The following RAB11FIP1 variants were observed in gnomAD, a reference collection of about 807,000 sequenced individuals.
The protein encoded by RAB11FIP1 is rab11 family-interacting protein 1.
In RAB11FIP1, 49 loss-of-function variants were observed where a neutral mutation model predicts 83.1. The ratio of observed to expected loss-of-function variants is 0.59; its 90% confidence interval spans 0.47 to 0.75. The LOEUF (loss-of-function observed/expected upper bound fraction) is 0.75. Ranked by LOEUF, RAB11FIP1 falls within the 30% of genes least tolerant of loss-of-function variation. The pLI, the probability that RAB11FIP1 is intolerant of heterozygous loss-of-function variation, is 0.00. For synonymous variants in RAB11FIP1, 670 were observed against 656.0 expected, an observed-to-expected ratio of 1.02 and a Z score of -0.33; for missense variants, 1,536 against 1,598.7, an observed-to-expected ratio of 0.96 and a Z score of 0.67.
rs144380138 is a variant in RAB11FIP1 at position 37,861,808 on chromosome 8, C to T, written c.*1087G>A. On this transcript the variant is annotated 3_prime_UTR_variant, in exon 6 of 6. Coordinates refer to ENST00000330843, the MANE Select transcript of RAB11FIP1 (RefSeq NM_001002814.3). ...TTCGCCATGTTGGTCAGGCTGGTCTCGAACTCCTGACCTCAAGTGATCCAC... is the reference window on the plus strand; with the variant it reads ...TTCGCCATGTTGGTCAGGCTGGTCTTGAACTCCTGACCTCAAGTGATCCAC... 1,240 of 326,758 alleles carry T rather than the reference C, an allele frequency of 3.8e-3. 19 individuals are homozygous for T. Among genetic ancestry groups the T allele is most frequent in the African/African-American group, 0.026 (1,155 of 44,838 alleles). The allele number at this position is 326,758 out of a possible 1,614,324, so 20.2% of individuals were successfully genotyped here.
intron 2 of RAB11FIP1, 77 bp from the exon 3 acceptor site, chr8:37,875,399 C>G (rs575207558): frequency 9.2e-7 from 1 of 1,085,262 alleles, no homozygotes; most frequent in African/African-American, 1.6e-5. Flanking sequence ...CTGTCAACGT[C>G]TGGATACATT....
intron 5 of RAB11FIP1, among the ~76,000 whole-genome samples, chr8:37,866,673 A>G (rs1283438124): frequency 1.5e-5 from 1 of 66,152 alleles, no homozygotes; most frequent in Non-Finnish European, 2.8e-5. Flanking sequence ...ACAACAACCA[A>G]GAAAAGAAAA....
At chr8:37,870,721 T>C in intron 4 of RAB11FIP1, 193 bp from the exon 5 acceptor site, 1 of 505,302 alleles carries the variant, frequency 2.0e-6, no homozygotes, top group South Asian at 3.3e-5. Flanking sequence ...GGCTGCCACA[T>C]GCAAGCCAGG....
chr8:37,870,622 A>C (rs954910504), intron 4 of RAB11FIP1, 94 bp from the exon 5 acceptor site: 12 of 658,824 alleles, frequency 1.8e-5, no homozygotes, highest in Non-Finnish European at 3.0e-5. Flanking sequence ...AAGCCAGACA[A>C]GGGGCAGGTG....
intron 1 of RAB11FIP1, among the ~76,000 whole-genome samples, chr8:37,889,605 C>T (rs1319715185): frequency 6.6e-6 from 1 of 152,176 alleles, no homozygotes; most frequent in Non-Finnish European, 1.5e-5. Context: ...TGGTTCACCA[C>T]CCCTTAACCA....
intron 5 of RAB11FIP1, 129 bp from the exon 6 acceptor site, chr8:37,863,242 CTT>C (rs1806279503): frequency 1.7e-6 from 1 of 591,292 alleles, no homozygotes; most frequent in Non-Finnish European, 2.9e-6. Context: ...CATTTTCTTT[CTT>C]TCTTTCTTTC....
chr8:37,887,357 C>A (rs542911806), intron 1 of RAB11FIP1, among the ~76,000 whole-genome samples: 7 of 151,962 alleles, frequency 4.6e-5, no homozygotes, highest in Non-Finnish European at 1.0e-4. Flanking sequence ...ATGGTGAAAC[C>A]CTGCCTCTAC....
Position 37,863,084 on chromosome 8 carries a change from T to G in RAB11FIP1, c.3663A>C (p.Ala1221=). 1 of 1,612,516 alleles carries G rather than the reference T, an allele frequency of 6.2e-7. No individual in the cohort carries two copies. The highest frequency in any genetic ancestry group is 8.5e-7 in the Non-Finnish European group (1 of 1,179,968). Residue 1221 remains alanine, a synonymous_variant, in exon 6 of 6, where the codon GCA becomes GCC. Coordinates refer to ENST00000330843, the MANE Select transcript of RAB11FIP1 (RefSeq NM_001002814.3). ...GCTCATCGTGGGTCAGCTGCGCATA[T>G]GCAAATGCAGGGTCCGAGGGGCTGT... The part of the protein sequence containing the change: ...KKYSPSDPAF[A]YAQLTHDELI...
chr8:37,893,206 C>G (rs1242666878), intron 1 of RAB11FIP1, among the ~76,000 whole-genome samples: 1 of 151,764 alleles, frequency 6.6e-6, no homozygotes, highest in Non-Finnish European at 1.5e-5. Context: ...TCCCAAGTAG[C>G]CAGGATTACA....
rs1452679922 is a variant in RAB11FIP1 at position 37,871,347 on chromosome 8, C to T, written c.3455G>A (p.Trp1152Ter). Reference sequence around the variant, plus strand: ...TGGATGTGTCTCCGAGGGTGAGACCCAGGCCTGGAGGAGTGGCTTCCTCTT... The same window carrying T: ...TGGATGTGTCTCCGAGGGTGAGACCTAGGCCTGGAGGAGTGGCTTCCTCTT... ...FGKRKPLLQAWVSPSETHPVS... is the reference protein window; with the variant it reads ...FGKRKPLLQA Residue 1152 changes from tryptophan to a stop codon, truncating the protein, a stop_gained, in exon 4 of 6, where the codon TGG becomes TAG. Transcript: ENST00000330843. LOFTEE classifies it high-confidence loss of function. The T allele has an allele frequency of 6.2e-7, 1 of 1,614,188 alleles. No homozygotes were observed. The highest frequency in any genetic ancestry group is 8.5e-7 in the Non-Finnish European group (1 of 1,180,022).
intron 1 of RAB11FIP1, among the ~76,000 whole-genome samples, chr8:37,879,529 C>T (rs1250511229): frequency 3.3e-5 from 5 of 152,032 alleles, no homozygotes; most frequent in South Asian, 2.1e-4. Flanking sequence ...AGATGGATGG[C>T]GGTGATGATC....
intron 1 of RAB11FIP1, among the ~76,000 whole-genome samples, chr8:37,884,248 A>G (rs1309210000): frequency 1.3e-5 from 2 of 152,054 alleles, no homozygotes; most frequent in Non-Finnish European, 2.9e-5. Context: ...TATTTTTACT[A>G]GAGACAGGGT....
chr8:37,872,068 T>G lies in RAB11FIP1; in HGVS notation c.2734A>C (p.Arg912=). 1 of 1,614,136 alleles carries G rather than the reference T, an allele frequency of 6.2e-7. No homozygotes were observed. Among genetic ancestry groups the G allele is most frequent in the Non-Finnish European group, 8.5e-7 (1 of 1,180,026 alleles). Residue 912 remains arginine (R), a synonymous_variant, in exon 4 of 6, where the codon AGG becomes CGG. Coordinates refer to ENST00000330843, the MANE Select transcript of RAB11FIP1 (RefSeq NM_001002814.3). Reference sequence around the variant, plus strand: ...ACAAGGGCATCCTCTCCCTCCATCCTAAAGAGTGGAGTGTCTTTCGCTGAG... The same window carrying G: ...ACAAGGGCATCCTCTCCCTCCATCCGAAAGAGTGGAGTGTCTTTCGCTGAG... ...ASSAKDTPLF[R]MEGEDALVTQ...
chr8:37,879,327 A>C (rs536565316), intron 1 of RAB11FIP1, among the ~76,000 whole-genome samples: 53 of 152,272 alleles, frequency 3.5e-4, no homozygotes, highest in African/African-American at 9.4e-4. Context: ...AAAAAAACAA[A>C]AAAAAAAGTG....
chr8:37,869,585 C>A (rs1376286260), intron 5 of RAB11FIP1, among the ~76,000 whole-genome samples: 3 of 151,684 alleles, frequency 2.0e-5, no homozygotes. Context: ...GAGTGAGACG[C>A]CATCTCAAAA....
At chr8:37,869,607 T>G (rs1806409654) in intron 5 of RAB11FIP1, among the ~76,000 whole-genome samples, 1 of 151,844 alleles carries the variant, frequency 6.6e-6, no homozygotes, top group Non-Finnish European at 1.5e-5. Context: ...AAAGAAAAAG[T>G]TCCCTGATTT....
chr8:37,869,133 T>TGAG (rs1806397844), intron 5 of RAB11FIP1, among the ~76,000 whole-genome samples: 1 of 132,118 alleles, frequency 7.6e-6, no homozygotes, highest in African/African-American at 2.9e-5. Flanking sequence ...GAGGCTGAGG[T>TGAG]GAGAGGATTG....
chr8:37,875,236 A>C lies in RAB11FIP1; in HGVS notation c.901T>G (p.Phe301Val). ...FTLPKKEGLS[F>V]LGGLRSKNDV... ...TTCTTAGACCGAAGGCCACCAAGAA[A>C]GGAAAGTCCTTCCTTCTTGGGAAGG... The change falls in exon 3 of 6, where the codon TTT becomes GTT. Residue 301 changes from phenylalanine to valine, a missense_variant. Physicochemically the swap from Phe to Val is conservative, Grantham distance 50. Transcript: ENST00000330843. 6.2e-7 allele frequency: 1 copy of C among 1,614,104 alleles called. No individual in the cohort carries two copies. The highest frequency in any genetic ancestry group is 8.5e-7 in the Non-Finnish European group (1 of 1,179,980).
In RAB11FIP1 at chr8:37,863,128, A is replaced by G; in HGVS notation, c.3634-15T>C. On this transcript the variant is annotated splice_polypyrimidine_tract_variant and intron_variant, in intron 5 of 5. Coordinates refer to ENST00000330843, the MANE Select transcript of RAB11FIP1 (RefSeq NM_001002814.3). ...GGGCTGTATTTCTTTGGAGGGGGGGAAATAGTTGGGAAAAAGGAGTTATAA... is the reference window on the plus strand; with the variant it reads ...GGGCTGTATTTCTTTGGAGGGGGGGGAATAGTTGGGAAAAAGGAGTTATAA... 1 of 1,600,324 alleles carries G rather than the reference A, an allele frequency of 6.2e-7. No individual in the cohort carries two copies. Among genetic ancestry groups the G allele is most frequent in the Non-Finnish European group, 8.5e-7 (1 of 1,170,792 alleles).
Sources: gnomAD v4.1 joint callset for allele counts (sites outside exome capture counted in the v4.1 genomes callset) on GRCh38, gnomAD v4.1.1 for gene constraint, MANE v1.5 for transcripts, NCBI Gene and HGNC (gene_info 2026-07-23, HGNC 2026-07-21) for gene names.